Variants in NPIPB2 observed in about 807,000 individuals in gnomAD.
NPIPB2 encodes nuclear pore complex-interacting protein family member B2.
In NPIPB2, 27 loss-of-function variants were observed where a neutral mutation model predicts 30.8. The ratio of observed to expected loss-of-function variants is 0.88; its 90% CI spans 0.65 to 1.21. NPIPB2 has a LOEUF of 1.21. Ranked by LOEUF, NPIPB2 falls within the 50% of genes most tolerant of loss-of-function variation. The pLI, the probability that NPIPB2 is intolerant of heterozygous loss-of-function variation, is 0.00. For synonymous variants in NPIPB2, 147 were observed against 162.0 expected (o/e 0.91, Z 0.70); for missense variants, 440 against 446.2 (o/e 0.99, Z 0.13).
intron 1 of NPIPB2, among the ~76,000 whole-genome samples, chr16:11,975,254 TCTC>T (rs1178342435): frequency 1.8e-5 from 2 of 113,040 alleles, no homozygotes; most frequent in Non-Finnish European, 3.7e-5. Flanking sequence ...TTCACGCCAT[TCTC>T]CTGCCTCAGC....
At chr16:11,957,251 G>A (rs890501935) in intron 1 of NPIPB2, among the ~76,000 whole-genome samples, 5 of 145,494 alleles carry the variant, frequency 3.4e-5, no homozygotes, top group Admixed American at 7.1e-5. Context: ...TGCAACCTCC[G>A]CCTCTTGGGT....
At chr16:11,942,708 G>A (rs1301164212), upstream of NPIPB2, among the ~76,000 whole-genome samples, 1 of 151,284 alleles carries the variant, frequency 6.6e-6, no homozygotes, top group African/African-American at 2.4e-5. Context: ...GGGCTTGGCA[G>A]CATCATGTGT....
chr16:11,973,728 C>T (rs1264197061), intron 1 of NPIPB2, among the ~76,000 whole-genome samples: 1 of 152,096 alleles, frequency 6.6e-6, no homozygotes, highest in Admixed American at 6.6e-5. Flanking sequence ...TCTGGAACTC[C>T]TGACCTCAGG....
chr16:11,959,602 T>A (rs1437446130), intron 1 of NPIPB2, among the ~76,000 whole-genome samples: 1 of 151,840 alleles, frequency 6.6e-6, no homozygotes, highest in Non-Finnish European at 1.5e-5. Flanking sequence ...AAAAAAATCA[T>A]ATTATTAAAA....
intron 1 of NPIPB2, among the ~76,000 whole-genome samples, chr16:11,962,290 G>C (rs537438820): frequency 6.6e-6 from 1 of 151,452 alleles, no homozygotes; most frequent in Non-Finnish European, 1.5e-5. Flanking sequence ...CACGAGGTGA[G>C]GGGATTGAGA....
chr16:11,936,861 C>T (rs1056616345), intron 2 of NPIPB2, among the ~76,000 whole-genome samples: 4 of 148,270 alleles, frequency 2.7e-5, no homozygotes, highest in South Asian at 2.4e-4. Context: ...CATCATGAGA[C>T]GCAGTGCAGT....
intron 1 of NPIPB2, among the ~76,000 whole-genome samples, chr16:11,938,922 A>C (rs936276965): frequency 2.4e-4 from 36 of 151,512 alleles, no homozygotes; most frequent in East Asian, 6.0e-4. Flanking sequence ...TAATTTTTGT[A>C]TTTTTAGTAG....
At chr16:11,955,902 A>G (rs1421058535) in intron 1 of NPIPB2, among the ~76,000 whole-genome samples, 1 of 147,372 alleles carries the variant, frequency 6.8e-6, no homozygotes, top group Non-Finnish European at 1.5e-5. Flanking sequence ...TCGTTTTGCA[A>G]ACAGGAAAAA....
At chr16:11,943,267 C>T (rs1464336030), upstream of NPIPB2, among the ~76,000 whole-genome samples, 12 of 151,968 alleles carry the variant, frequency 7.9e-5, no homozygotes, top group South Asian at 2.1e-4. Context: ...TGCAGTGAGC[C>T]GAGATTGCAC....
intron 1 of NPIPB2, among the ~76,000 whole-genome samples, chr16:11,962,573 C>G (rs532577344): frequency 6.9e-6 from 1 of 145,272 alleles, no homozygotes; most frequent in South Asian, 2.2e-4. Flanking sequence ...GATAGCGCCC[C>G]TGCACTCCAG....
chr16:11,959,749 T>A (rs888113614), intron 1 of NPIPB2, among the ~76,000 whole-genome samples: 1 of 152,200 alleles, frequency 6.6e-6, no homozygotes, highest in African/African-American at 2.4e-5. Context: ...TATGTCTGTC[T>A]ATTCAGACAC....
intron 4 of NPIPB2, among the ~76,000 whole-genome samples, chr16:11,933,071 G>C (rs1451495648): frequency 2.0e-5 from 3 of 151,528 alleles, no homozygotes; most frequent in African/African-American, 7.3e-5. Context: ...GACCAGCCTG[G>C]ACAACATGGT....
At position 11,941,971 on chromosome 16, in the gene NPIPB2, A is replaced by G; in HGVS notation, c.63+12T>C. On this transcript the variant is annotated intron_variant, in intron 1 of 7. Coordinates refer to ENST00000399147, the Ensembl canonical transcript of NPIPB2. ...AACAAATGATGGCAGGATGGCAGGA[A>G]GAACCTCATACCCAAGCAGAGTGCC... The G allele has an allele frequency of 9.5e-7, 1 of 1,054,766 alleles. No individual in the cohort carries two copies. The highest frequency in any genetic ancestry group is 1.4e-6 in the Non-Finnish European group (1 of 712,898). The allele number at this position is 1,054,766 out of a possible 1,614,324, so 65.3% of individuals were successfully genotyped here.
intron 1 of NPIPB2, among the ~76,000 whole-genome samples, chr16:11,975,709 G>C (rs1235278279): frequency 2.0e-5 from 3 of 151,896 alleles, no homozygotes; most frequent in Non-Finnish European, 2.9e-5. Context: ...TCCTGTTTCA[G>C]CCTCCCCAGT....
chr16:11,965,303 C>G (rs775728959), intron 1 of NPIPB2: 3 of 1,613,640 alleles, frequency 1.9e-6, no homozygotes, highest in East Asian at 2.2e-5. Flanking sequence ...TTCTGTAGCT[C>G]CCTTGTTTTC....
intron 1 of NPIPB2, among the ~76,000 whole-genome samples, chr16:11,955,973 T>C (rs6498256): frequency 0.14 from 20,978 of 151,874 alleles, 2,298 homozygotes; most frequent in African/African-American, 0.28. Flanking sequence ...ACTGCAGAGT[T>C]CCCGAAGACC....
chr16:11,951,303 TA>T (rs770369563), intron 1 of NPIPB2, among the ~76,000 whole-genome samples: 55 of 139,414 alleles, frequency 3.9e-4, no homozygotes, highest in East Asian at 1.0e-3. Flanking sequence ...AAAAAATATA[TA>T]AAAAAAAAAA....
At chr16:11,956,562 G>A (rs980320484) in intron 1 of NPIPB2, among the ~76,000 whole-genome samples, 2 of 152,196 alleles carry the variant, frequency 1.3e-5, no homozygotes, top group African/African-American at 4.8e-5. Flanking sequence ...TGTAGTCCTA[G>A]CTACTTAGGA....
At chr16:11,969,628 G>A (rs1451041340) in intron 1 of NPIPB2, among the ~76,000 whole-genome samples, 1 of 152,190 alleles carries the variant, frequency 6.6e-6, no homozygotes, top group African/African-American at 2.4e-5. Context: ...TCAACCAGAC[G>A]AATTCAGTGT....
Sources: gnomAD v4.1 joint callset for allele counts (sites outside exome capture counted in the v4.1 genomes callset) on GRCh38, gnomAD v4.1.1 for gene constraint, MANE v1.5 for transcripts, NCBI Gene and HGNC (gene_info 2026-07-23, HGNC 2026-07-21) for gene names.